The following TMEM200A variants were observed in gnomAD, a reference collection of about 807,000 sequenced individuals.
TMEM200A encodes transmembrane protein 200A.
Under a neutral mutation model 24.3 loss-of-function variants are expected in TMEM200A, and 12 were observed. The observed-to-expected ratio is 0.49, with a 90% CI of 0.32 to 0.80. The LOEUF (loss-of-function observed/expected upper bound fraction) is 0.80, where lower values mean the gene tolerates loss of function less well. Among genes scored for constraint, TMEM200A ranks in the 30% least tolerant of loss-of-function variants. The pLI is 0.04. For missense variants in TMEM200A, 545 were observed against 614.4 expected, an observed-to-expected ratio of 0.89 and a Z score of 1.19; for synonymous variants, 224 against 224.4, an observed-to-expected ratio of 1.00 and a Z score of 0.02.
chr6:130,409,124 C>T (rs551874201), intron 2 of TMEM200A, among the ~76,000 whole-genome samples: 1 of 152,132 alleles, frequency 6.6e-6, no homozygotes, highest in African/African-American at 2.4e-5. Flanking sequence ...TTCGTTGCTT[C>T]CAAGGCTTCA....
chr6:130,365,713 C>T (rs1778119125), upstream of TMEM200A: 1 of 985,388 alleles, frequency 1.0e-6, no homozygotes, highest in African/African-American at 1.7e-5. Context: ...GGAAGAGCGC[C>T]TGCAAGCGGG....
intron 1 of TMEM200A, among the ~76,000 whole-genome samples, chr6:130,373,459 C>T (rs2115070400): frequency 6.6e-6 from 1 of 152,236 alleles, no homozygotes; most frequent in East Asian, 1.9e-4. Flanking sequence ...TAGTGTATTA[C>T]AACCTACTCT....
intron 2 of TMEM200A, among the ~76,000 whole-genome samples, chr6:130,429,995 C>T (rs573485079): frequency 3.9e-5 from 6 of 152,266 alleles, no homozygotes; most frequent in South Asian, 2.1e-4. Flanking sequence ...GAGGCTGAAG[C>T]GACTCCCTCT....
At chr6:130,368,990 G>C (rs1429384507) in intron 1 of TMEM200A, among the ~76,000 whole-genome samples, 3 of 152,228 alleles carry the variant, frequency 2.0e-5, no homozygotes, top group Non-Finnish European at 4.4e-5. Flanking sequence ...AAGAGAGACA[G>C]AAGTCAGTGT....
At position 130,404,128 on chromosome 6, in the gene TMEM200A, T is replaced by A. The variant is rs146677694; in HGVS notation, c.-17+18892T>A. 3.6e-3 allele frequency among the ~76,000 whole-genome samples: 547 copies of A among 152,334 alleles called. 15 individuals carry two copies. The highest frequency in any genetic ancestry group is 0.032 in the Admixed American group (490 of 15,274). On this transcript the variant is annotated intron_variant, in intron 2 of 2. Transcript: ENST00000296978. ...TCTGCTATTGTGAATACTGCTGCAA[T>A]GAACATAATACATGTGCAAGTGTCT...
chr6:130,440,913 A>C lies in TMEM200A; in HGVS notation c.491A>C (p.Tyr164Ser). 6.2e-7 allele frequency: 1 copy of C among 1,614,092 alleles called. No individual in the cohort carries two copies. The highest frequency in any genetic ancestry group is 8.5e-7 in the Non-Finnish European group (1 of 1,179,984). The change falls in exon 3 of 3, where the codon TAT (tyrosine) becomes TCT (serine). Residue 164 changes from tyrosine to serine, a missense_variant. Coordinates refer to ENST00000296978, the MANE Select transcript of TMEM200A (RefSeq NM_001258277.2). ...ETKIIHMRDI[Y>S]STVIDIHTLR... The stretch of plus-strand genomic sequence containing the variant: ...AAAATCATACACATGAGGGATATCT[A>C]TTCCACAGTCATTGACATTCACACG...
intron 1 of TMEM200A, among the ~76,000 whole-genome samples, chr6:130,369,786 G>T (rs933713133): frequency 6.6e-6 from 1 of 152,200 alleles, no homozygotes; most frequent in Non-Finnish European, 1.5e-5. Flanking sequence ...TCCACAGAAG[G>T]CATAGAAATC....
At chr6:130,368,421 G>A (rs1778234898) in intron 1 of TMEM200A, among the ~76,000 whole-genome samples, 3 of 152,142 alleles carry the variant, frequency 2.0e-5, no homozygotes, top group South Asian at 4.1e-4. Context: ...AGTCATACAC[G>A]TTACTTATCA....
chr6:130,409,463 A>T (rs1208708179), intron 2 of TMEM200A, among the ~76,000 whole-genome samples: 1 of 152,164 alleles, frequency 6.6e-6, no homozygotes, highest in African/African-American at 2.4e-5. Context: ...CTCTGCAACT[A>T]TGTGGGATCT....
At chr6:130,424,095 A>G (rs1033618753) in intron 2 of TMEM200A, among the ~76,000 whole-genome samples, 7 of 149,200 alleles carry the variant, frequency 4.7e-5, no homozygotes, top group Non-Finnish European at 1.0e-4. Context: ...AAATTCATAA[A>G]GTCTTCTTTC....
rs1778685062 is a variant in TMEM200A at position 130,385,219 on chromosome 6, G to A, written c.-34G>A. Reference sequence around the variant, plus strand: ...ACTGAAGAGAGCAAGGGATTTCCTGGGACATCTGGCTCTGGAGGTGAGCGA... The same window carrying A: ...ACTGAAGAGAGCAAGGGATTTCCTGAGACATCTGGCTCTGGAGGTGAGCGA... On this transcript the variant is annotated 5_prime_UTR_variant, in exon 2 of 3. Transcript: ENST00000296978. 1 of 152,178 alleles carries A rather than the reference G, an allele frequency of 6.6e-6. No homozygotes were observed. The highest frequency in any genetic ancestry group is 2.4e-5 in the African/African-American group (1 of 41,438). 9.4% of individuals were successfully genotyped at this position (152,178 alleles called of 1,614,324 possible).
Position 130,441,625 on chromosome 6 carries a change from C to G in TMEM200A, c.1203C>G (p.Asp401Glu). 6.2e-7 allele frequency: 1 copy of G among 1,614,036 alleles called. No individual in the cohort carries two copies. Among genetic ancestry groups the G allele is most frequent in the Non-Finnish European group, 8.5e-7 (1 of 1,179,994 alleles). Reference protein sequence around the residue: ...LSSHSKSLDLDRGPSTLTVQA... With the variant: ...LSSHSKSLDLERGPSTLTVQA... ...CACACTCAAAGTCCTTGGACTTAGA[C>G]CGGGGTCCCTCCACTCTAACTGTTC... The change falls in exon 3 of 3, where the codon GAC becomes GAG. Residue 401 changes from aspartate to glutamate, a missense_variant. By Grantham distance (45) the Asp-to-Glu change is conservative. Transcript: ENST00000296978.
chr6:130,383,759 G>A (rs1171972999), intron 1 of TMEM200A, among the ~76,000 whole-genome samples: 1 of 152,056 alleles, frequency 6.6e-6, no homozygotes, highest in Non-Finnish European at 1.5e-5. Context: ...ATTCTGACAA[G>A]TATTAAAACT....
chr6:130,371,139 G>C (rs1259372996), intron 1 of TMEM200A, among the ~76,000 whole-genome samples: 2 of 152,148 alleles, frequency 1.3e-5, no homozygotes, highest in Non-Finnish European at 2.9e-5. Flanking sequence ...AAATAGGCCA[G>C]GAGGGAGTAG....
At chr6:130,430,206 T>G (rs1779843086) in intron 2 of TMEM200A, among the ~76,000 whole-genome samples, 1 of 152,154 alleles carries the variant, frequency 6.6e-6, no homozygotes, top group African/African-American at 2.4e-5. Context: ...AAATACTGTC[T>G]TCTTACTGTG....
intron 2 of TMEM200A, among the ~76,000 whole-genome samples, chr6:130,406,691 T>G (rs1779216812): frequency 1.3e-5 from 2 of 152,182 alleles, no homozygotes; most frequent in South Asian, 4.1e-4. Flanking sequence ...CTGGAAATAG[T>G]TTGGTTTGAC....
At position 130,442,043 on chromosome 6, in the gene TMEM200A, A is replaced by T. The variant is rs546865062; in HGVS notation, c.*145A>T. Reference sequence around the variant, plus strand: ...TTGGCTGCTTAGTTCTGTAATGAAGATGGTTGTATGTTTGGGTTACTTGTG... The same window carrying T: ...TTGGCTGCTTAGTTCTGTAATGAAGTTGGTTGTATGTTTGGGTTACTTGTG... On this transcript the variant is annotated 3_prime_UTR_variant, in exon 3 of 3. Coordinates refer to ENST00000296978, the MANE Select transcript of TMEM200A (RefSeq NM_001258277.2). 2 of 765,266 alleles carry T rather than the reference A, an allele frequency of 2.6e-6. No individual in the cohort carries two copies. Among genetic ancestry groups the T allele is most frequent in the Admixed American group, 3.2e-5 (1 of 31,456 alleles). The allele number at this position is 765,266 out of a possible 1,614,324, so 47.4% of individuals were successfully genotyped here. A position where few individuals can be genotyped will look rare whatever the true frequency, so the allele number is the denominator to read the frequency against.
chr6:130,380,352 C>T (rs1262313928), intron 1 of TMEM200A, among the ~76,000 whole-genome samples: 1 of 152,148 alleles, frequency 6.6e-6, no homozygotes, highest in African/African-American at 2.4e-5. Flanking sequence ...CATCTGCAGG[C>T]TTACTGCTAA....
chr6:130,413,195 G>A (rs1046973735), intron 2 of TMEM200A, among the ~76,000 whole-genome samples: 6 of 152,182 alleles, frequency 3.9e-5, no homozygotes, highest in African/African-American at 1.4e-4. Context: ...TCCCAAGTTT[G>A]TATTCTAGCC....
Sources: gnomAD v4.1 joint callset for allele counts (sites outside exome capture counted in the v4.1 genomes callset) on GRCh38, gnomAD v4.1.1 for gene constraint, MANE v1.5 for transcripts, NCBI Gene and HGNC (gene_info 2026-07-23, HGNC 2026-07-21) for gene names.